ADGRG7: variants seen among roughly 807,000 people sequenced by gnomAD.
ADGRG7 encodes the protein adhesion G protein-coupled receptor G7.
ADGRG7 carries 82 observed loss-of-function variants against 88.6 expected under a neutral mutation model. The observed-to-expected ratio is 0.93, with a 90% CI of 0.77 to 1.11. ADGRG7 has a LOEUF of 1.11. ADGRG7 is among the 50% of genes most tolerant of loss of function. ADGRG7 has a pLI of 0.00. For missense variants in ADGRG7, 945 were observed against 953.4 expected, an observed-to-expected ratio of 0.99 and a Z score of 0.12; for synonymous variants, 381 against 345.2, an observed-to-expected ratio of 1.10 and a Z score of -1.15.
chr3:100,676,622 A>G (rs947394707), intron 15 of ADGRG7, among the ~76,000 whole-genome samples: 3 of 152,020 alleles, frequency 2.0e-5, no homozygotes, highest in African/African-American at 7.2e-5. Flanking sequence ...CCCATTTAGT[A>G]TATAGTGCAG....
intron 15 of ADGRG7, among the ~76,000 whole-genome samples, chr3:100,676,081 C>A (rs2094964966): frequency 6.6e-6 from 1 of 150,616 alleles, no homozygotes; most frequent in African/African-American, 2.4e-5. Context: ...CTTTTGTTTT[C>A]TTCATTTCAA....
At chr3:100,670,580 A>G (rs1013121075) in intron 15 of ADGRG7, among the ~76,000 whole-genome samples, 2 of 151,962 alleles carry the variant, frequency 1.3e-5, no homozygotes, top group African/African-American at 4.8e-5. Flanking sequence ...TTATTATTAA[A>G]CTTTAAGTTC....
chr3:100,690,010 A>G (rs1177891898), intron 15 of ADGRG7, among the ~76,000 whole-genome samples: 1 of 152,200 alleles, frequency 6.6e-6, no homozygotes, highest in African/African-American at 2.4e-5. Flanking sequence ...TTTCAGGTAC[A>G]CCAATCAGAC....
chr3:100,636,582 A>C (rs913557432), intron 5 of ADGRG7, among the ~76,000 whole-genome samples: 6 of 152,192 alleles, frequency 3.9e-5, no homozygotes, highest in African/African-American at 1.2e-4. Flanking sequence ...GTATAGGTTG[A>C]ATATCAGCAT....
chr3:100,647,246 G>A (rs1707769663), intron 10 of ADGRG7, among the ~76,000 whole-genome samples: 1 of 152,172 alleles, frequency 6.6e-6, no homozygotes, highest in African/African-American at 2.4e-5. Context: ...AGGATAGAGA[G>A]GTCAGAACTA....
chr3:100,650,732 T>C (rs1266587549), intron 11 of ADGRG7, among the ~76,000 whole-genome samples: 2 of 152,166 alleles, frequency 1.3e-5, no homozygotes, highest in African/African-American at 4.8e-5. Flanking sequence ...CCTGTGTAAA[T>C]AATAGATGAC....
rs1268110711 is a variant in ADGRG7, at chr3:100,637,104, T to C, written c.598-198T>C. 2.0e-5 allele frequency among the ~76,000 whole-genome samples: 3 copies of C among 152,242 alleles called. No individual in the cohort carries two copies. The East Asian group carries it at 5.8e-4, about 29-fold the overall frequency. ...TCCTAATTCACTACCTTAATTTATATTTTCACTTTGCCTTATCTTGATTCT... is the reference window on the plus strand; with the variant it reads ...TCCTAATTCACTACCTTAATTTATACTTTCACTTTGCCTTATCTTGATTCT... On this transcript the variant is annotated intron_variant, in intron 5 of 15. Coordinates refer to ENST00000273352, the MANE Select transcript of ADGRG7 (RefSeq NM_032787.3).
At chr3:100,629,506 G>A in intron 1 of ADGRG7, 92 bp from the exon 2 acceptor site, 1 of 759,842 alleles carries the variant, frequency 1.3e-6, no homozygotes, top group Non-Finnish European at 2.3e-6. Flanking sequence ...TCAAAGCAGT[G>A]GTTTTACGTG....
intron 15 of ADGRG7, among the ~76,000 whole-genome samples, chr3:100,684,551 A>T (rs2094979043): frequency 6.6e-6 from 1 of 152,162 alleles, no homozygotes; most frequent in African/African-American, 2.4e-5. Context: ...TATAGGCCTG[A>T]GCCACTGTGC....
chr3:100,656,384 A>C (rs1276491383), intron 13 of ADGRG7, among the ~76,000 whole-genome samples: 3 of 152,204 alleles, frequency 2.0e-5, no homozygotes, highest in Non-Finnish European at 4.4e-5. Context: ...GGGATCAATC[A>C]AGTGTGAAAA....
intron 1 of ADGRG7, among the ~76,000 whole-genome samples, chr3:100,616,140 C>A (rs1055234768): frequency 2.6e-5 from 4 of 151,946 alleles, no homozygotes; most frequent in African/African-American, 9.7e-5. Flanking sequence ...GCCCCAGGAT[C>A]GTAAAAGAAG....
chr3:100,613,355 T>C (rs1707182058), intron 1 of ADGRG7, among the ~76,000 whole-genome samples: 1 of 152,212 alleles, frequency 6.6e-6, no homozygotes, highest in Non-Finnish European at 1.5e-5. Context: ...TGACTGTTCC[T>C]GGAGTATATT....
At position 100,646,624 on chromosome 3, in the gene ADGRG7, C is replaced by G; in HGVS notation, c.1166C>G (p.Ser389Ter). 1.2e-6 allele frequency: 2 copies of G among 1,614,016 alleles called. No individual in the cohort carries two copies. Reference protein sequence around the residue: ...YSYACVYWNLSAKDWDTYGCQ... With the variant: ...YSYACVYWNL ...TATGCCTGTGTCTATTGGAATTTGT[C>G]AGCGAAGGACTGGGACACATATGGC... Residue 389 changes from serine to a stop codon, truncating the protein, a stop_gained, in exon 10 of 16, where the codon TCA (serine) becomes TGA (stop). Transcript: ENST00000273352. LOFTEE classifies it high-confidence loss of function.
chr3:100,686,777 A>G (rs1401069564), intron 15 of ADGRG7, among the ~76,000 whole-genome samples: 1 of 152,210 alleles, frequency 6.6e-6, no homozygotes, highest in Non-Finnish European at 1.5e-5. Context: ...TGATTACTGT[A>G]GCCTTGTAGT....
intron 1 of ADGRG7, among the ~76,000 whole-genome samples, chr3:100,628,374 G>GTT (rs35854044): frequency 0.02 from 2,883 of 146,344 alleles, 92 homozygotes; most frequent in African/African-American, 0.066. Context: ...TGTTTTTTTT[G>GTT]TTTTTTTTTT....
chr3:100,623,183 A>G (rs746042769), intron 1 of ADGRG7, among the ~76,000 whole-genome samples: 18 of 152,026 alleles, frequency 1.2e-4, no homozygotes, highest in Admixed American at 7.9e-4. Flanking sequence ...CTTTAGCCCA[A>G]AGTTGCAAAT....
chr3:100,615,287 C>A (rs1051138324), intron 1 of ADGRG7, among the ~76,000 whole-genome samples: 1 of 152,120 alleles, frequency 6.6e-6, no homozygotes, highest in African/African-American at 2.4e-5. Flanking sequence ...ATGAACAAGC[C>A]ACTTAATCTT....
intron 1 of ADGRG7, among the ~76,000 whole-genome samples, chr3:100,611,183 G>C (rs189099202): frequency 1.3e-5 from 2 of 151,948 alleles, no homozygotes; most frequent in African/African-American, 2.4e-5. Context: ...CCCCATTAAG[G>C]CTGCCAAATT....
chr3:100,636,165 T>C (rs1181553736), intron 5 of ADGRG7, among the ~76,000 whole-genome samples: 2 of 152,174 alleles, frequency 1.3e-5, no homozygotes, highest in Non-Finnish European at 2.9e-5. Flanking sequence ...GGGGTTCAAG[T>C]GATTCTCAGG....
Sources: allele counts gnomAD v4.1 joint callset (sites outside exome capture counted in the v4.1 genomes callset), GRCh38; gene constraint gnomAD v4.1.1; transcripts MANE v1.5; gene names NCBI Gene and HGNC (gene_info 2026-07-23, HGNC 2026-07-21).